Variants in DISC1 observed in about 807,000 individuals in gnomAD.
DISC1 encodes the protein DISC1 scaffold protein, also known as disrupted in schizophrenia 1 protein.
Under a neutral mutation model 84.5 loss-of-function variants are expected in DISC1, and 57 were observed. The observed-to-expected ratio is 0.67, with a 90% CI of 0.55 to 0.84. The LOEUF is 0.84. DISC1 is among the 40% of genes least tolerant of loss of function. The pLI, the probability that DISC1 is intolerant of heterozygous loss-of-function variation, is 0.00. For missense variants in DISC1, 1,000 were observed against 1,057.8 expected (o/e 0.95, Z 0.76); for synonymous variants, 411 against 415.2 (o/e 0.99, Z 0.12).
chr1:231,667,008 G>A (rs1335920748), intron 1 of DISC1, among the ~76,000 whole-genome samples: 1 of 152,100 alleles, frequency 6.6e-6, no homozygotes, highest in African/African-American at 2.4e-5. Context: ...GCTAAGATGT[G>A]GTACCTTCAA....
intron 1 of DISC1, among the ~76,000 whole-genome samples, chr1:231,669,542 C>T (rs1339859941): frequency 6.6e-6 from 1 of 151,506 alleles, no homozygotes. Context: ...AAACAAACAA[C>T]CCCATTAAAA....
chr1:231,985,562 T>C (rs1393743305), intron 10 of DISC1, among the ~76,000 whole-genome samples: 1 of 152,166 alleles, frequency 6.6e-6, no homozygotes, highest in African/African-American at 2.4e-5. Context: ...TCATGACATA[T>C]TTGTGTGTAT....
At chr1:231,837,678 A>G (rs2082723759) in intron 9 of DISC1, among the ~76,000 whole-genome samples, 1 of 152,228 alleles carries the variant, frequency 6.6e-6, no homozygotes, top group South Asian at 2.1e-4. Context: ...TGAACCTTGA[A>G]GAAATGATGG....
intron 9 of DISC1, chr1:231,945,356 A>G (rs1656951645): frequency 6.6e-6 from 1 of 152,210 alleles, no homozygotes; most frequent in African/African-American, 2.4e-5. Context: ...CTGCTCCTGA[A>G]TGACTCCTGG....
chr1:231,666,488 G>T (rs1436612453), intron 1 of DISC1, among the ~76,000 whole-genome samples: 1 of 152,142 alleles, frequency 6.6e-6, no homozygotes, highest in Non-Finnish European at 1.5e-5. Context: ...ATGACAATCA[G>T]TGTCAGCTAA....
At chr1:231,840,396 C>T (rs1218816687) in intron 9 of DISC1, among the ~76,000 whole-genome samples, 1 of 152,118 alleles carries the variant, frequency 6.6e-6, no homozygotes, top group Non-Finnish European at 1.5e-5. Flanking sequence ...AAACTGAAAA[C>T]AAGTCAAATG....
intron 9 of DISC1, chr1:231,945,330 A>G (rs772115493): frequency 6.6e-5 from 10 of 152,216 alleles, no homozygotes; most frequent in African/African-American, 2.4e-4. Context: ...TCACAACTAC[A>G]TGGAAACTGA....
At chr1:231,806,954 T>C (rs2079781312) in intron 8 of DISC1, among the ~76,000 whole-genome samples, 1 of 152,230 alleles carries the variant, frequency 6.6e-6, no homozygotes, top group Admixed American at 6.5e-5. Flanking sequence ...AACCTGGGCC[T>C]GTTTCCTTCT....
At chr1:231,997,453 C>G (rs546367603) in intron 10 of DISC1, among the ~76,000 whole-genome samples, 2 of 152,118 alleles carry the variant, frequency 1.3e-5, no homozygotes, top group Non-Finnish European at 2.9e-5. Context: ...ATTTGGCCCA[C>G]GTGTGGGGAG....
intron 1 of DISC1, among the ~76,000 whole-genome samples, chr1:231,683,425 A>ATTT (rs5781664): frequency 7.5e-6 from 1 of 133,820 alleles, no homozygotes; most frequent in Non-Finnish European, 1.6e-5. Flanking sequence ...TACCACCATG[A>ATTT]TTTTTTTTTT....
At chr1:231,902,600 CA>C (rs57938756) in intron 9 of DISC1, among the ~76,000 whole-genome samples, 3 of 140,548 alleles carry the variant, frequency 2.1e-5, no homozygotes, top group South Asian at 2.3e-4. Context: ...GATTCTGTCT[CA>C]AAAAAAAAAC....
In DISC1 at chr1:231,626,877, G is replaced by A. The variant is rs1315924975; in HGVS notation, c.10G>A (p.Gly4Arg). 2 of 1,481,350 alleles carry A rather than the reference G, an allele frequency of 1.4e-6. No individual in the cohort carries two copies. Among genetic ancestry groups the A allele is most frequent in the South Asian group, 2.6e-5 (2 of 78,026 alleles). 91.8% of individuals were successfully genotyped at this position (1,481,350 alleles called of 1,614,324 possible). Residue 4 changes from glycine (G) to arginine (R), a missense_variant, in exon 1 of 13, where the codon GGG becomes AGG. Around this residue, in one of 3 missense-constraint regions of DISC1, gnomAD observed 292 missense variants for 280.2 expected, o/e 1.04. Coordinates refer to ENST00000439617, the MANE Select transcript of DISC1 (RefSeq NM_018662.3). Reference sequence around the variant, plus strand: ...GCTGGCAGCGGGGCGCATGCCAGGCGGGGGTCCTCAGGGCGCCCCAGCCGC... The same window carrying A: ...GCTGGCAGCGGGGCGCATGCCAGGCAGGGGTCCTCAGGGCGCCCCAGCCGC... The part of the protein sequence containing the change: MPG[G>R]GPQGAPAAAG...
intron 9 of DISC1, among the ~76,000 whole-genome samples, chr1:231,857,981 C>T (rs1574289375): frequency 2.0e-5 from 3 of 152,296 alleles, no homozygotes; most frequent in East Asian, 1.9e-4. Flanking sequence ...TAACTCTTGC[C>T]GCTATAGGCC....
At chr1:231,909,156 C>T (rs980100147) in intron 9 of DISC1, among the ~76,000 whole-genome samples, 1 of 152,110 alleles carries the variant, frequency 6.6e-6, no homozygotes, top group Non-Finnish European at 1.5e-5. Context: ...GTTGAATACC[C>T]TATATTTCTT....
intron 9 of DISC1, among the ~76,000 whole-genome samples, chr1:231,828,212 C>T (rs539703345): frequency 4.6e-5 from 7 of 152,306 alleles, no homozygotes; most frequent in South Asian, 2.1e-4. Flanking sequence ...AATTATATTA[C>T]GATTGCATGG....
chr1:231,681,045 G>A (rs1223021712), intron 1 of DISC1, among the ~76,000 whole-genome samples: 1 of 152,158 alleles, frequency 6.6e-6, no homozygotes, highest in Non-Finnish European at 1.5e-5. Context: ...TATTTTATTA[G>A]GGCAGCAGTT....
At chr1:231,683,524 C>A (rs141428184) in intron 1 of DISC1, among the ~76,000 whole-genome samples, 35 of 148,282 alleles carry the variant, frequency 2.4e-4, no homozygotes, top group Non-Finnish European at 5.1e-4. Context: ...TTCCCGGGAT[C>A]AAGCTATCCT....
At chr1:231,927,598 C>T (rs2090425245) in intron 9 of DISC1, among the ~76,000 whole-genome samples, 1 of 152,170 alleles carries the variant, frequency 6.6e-6, no homozygotes, top group African/African-American at 2.4e-5. Context: ...CCTGGGTTGC[C>T]CTTCATTGTG....
chr1:231,834,586 G>A (rs540044358), intron 9 of DISC1, among the ~76,000 whole-genome samples: 172 of 152,216 alleles, frequency 1.1e-3, no homozygotes, highest in Middle Eastern at 3.4e-3. Context: ...AAGCGGCATC[G>A]CAGAAGAAAA....
Sources: allele counts gnomAD v4.1 joint callset (sites outside exome capture counted in the v4.1 genomes callset), GRCh38; gene constraint gnomAD v4.1.1; regional missense constraint gnomAD v4.1.1; transcripts MANE v1.5; gene names NCBI Gene and HGNC (gene_info 2026-07-23, HGNC 2026-07-21).